Variants in MKLN1 observed in about 807,000 individuals in gnomAD.
MKLN1 encodes muskelin.
In MKLN1, 18 loss-of-function variants were observed where a neutral mutation model predicts 99.0. The observed-to-expected ratio is 0.18, with a 90% CI of 0.13 to 0.27. The LOEUF is 0.27. Ranked by LOEUF, MKLN1 falls within the 10% of genes least tolerant of loss-of-function variation. MKLN1 has a pLI of 1.00. For missense variants in MKLN1, 621 were observed against 875.9 expected, an observed-to-expected ratio of 0.71 and a Z score of 3.67; for synonymous variants, 288 against 293.2, an observed-to-expected ratio of 0.98 and a Z score of 0.18.
upstream of MKLN1, chr7:131,327,820 C>T: frequency 6.5e-7 from 1 of 1,539,836 alleles, no homozygotes; most frequent in Non-Finnish European, 8.7e-7. Flanking sequence ...GGCGGCGGCC[C>T]CTTTAAGAGC....
intron 2 of MKLN1, among the ~76,000 whole-genome samples, chr7:131,167,286 C>T (rs369695517): frequency 6.6e-6 from 1 of 152,236 alleles, no homozygotes; most frequent in African/African-American, 2.4e-5. Context: ...AGCAATTTGG[C>T]AGTAAGTATA....
intron 7 of MKLN1, among the ~76,000 whole-genome samples, chr7:131,411,903 T>G (rs1794887170): frequency 3.2e-5 from 1 of 31,178 alleles, no homozygotes; most frequent in African/African-American, 1.4e-4. Context: ...GGAGATTCCA[T>G]CTCAAAAAAA....
intron 3 of MKLN1, among the ~76,000 whole-genome samples, chr7:131,250,437 G>A (rs1797560660): frequency 6.6e-6 from 1 of 152,148 alleles, no homozygotes; most frequent in Non-Finnish European, 1.5e-5. Context: ...CACATGGCCT[G>A]GCTTGTTAAG....
chr7:131,216,945 C>T (rs1563255542), intron 3 of MKLN1, among the ~76,000 whole-genome samples: 1 of 148,962 alleles, frequency 6.7e-6, no homozygotes, highest in Admixed American at 6.6e-5. Flanking sequence ...ACTGAGGAGA[C>T]CCCCTATTGA....
chr7:131,291,755 G>T (rs1242331469), intron 3 of MKLN1, among the ~76,000 whole-genome samples: 1 of 134,024 alleles, frequency 7.5e-6, no homozygotes, highest in Non-Finnish European at 1.5e-5. Context: ...GAGTTAGTTG[G>T]AGTAGTCACA....
intron 3 of MKLN1, among the ~76,000 whole-genome samples, chr7:131,255,065 A>AT (rs925301726): frequency 4.0e-5 from 6 of 151,702 alleles, no homozygotes; most frequent in East Asian, 1.9e-4. Context: ...GTTTAAAAAA[A>AT]TTTTTTTTTG....
At chr7:131,449,421 C>T (rs1191752316) in intron 12 of MKLN1, among the ~76,000 whole-genome samples, 1 of 152,130 alleles carries the variant, frequency 6.6e-6, no homozygotes, top group Non-Finnish European at 1.5e-5. Flanking sequence ...AATACCACTT[C>T]TTTGTCTAGG....
intron 2 of MKLN1, among the ~76,000 whole-genome samples, chr7:131,169,227 CACTA>C (rs1364684030): frequency 6.6e-6 from 1 of 152,210 alleles, no homozygotes; most frequent in Non-Finnish European, 1.5e-5. Context: ...TTAGCCAATA[CACTA>C]ACAAACACAC....
chr7:131,362,587 T>C (rs1199903093), intron 1 of MKLN1, among the ~76,000 whole-genome samples: 1 of 152,102 alleles, frequency 6.6e-6, no homozygotes, highest in East Asian at 1.9e-4. Context: ...GTTTGATGTA[T>C]CTGTCTAGTT....
chr7:131,249,608 A>C (rs1418970088), intron 3 of MKLN1, among the ~76,000 whole-genome samples: 1 of 152,192 alleles, frequency 6.6e-6, no homozygotes, highest in Non-Finnish European at 1.5e-5. Context: ...AGGAAGCATT[A>C]GGAGAATTCA....
intron 2 of MKLN1, among the ~76,000 whole-genome samples, chr7:131,193,681 T>A (rs1309989348): frequency 6.6e-6 from 1 of 152,038 alleles, no homozygotes; most frequent in Non-Finnish European, 1.5e-5. Flanking sequence ...TGCGCTCAGC[T>A]AAAAATTATT....
chr7:131,372,879 T>TTTTTCTTTC, intron 1 of MKLN1, among the ~76,000 whole-genome samples: 1 of 152,066 alleles, frequency 6.6e-6, no homozygotes, highest in East Asian at 1.9e-4. Context: ...TTTCTTTTTC[T>TTTTTCTTTC]TTTTCTTTCT....
intron 3 of MKLN1, among the ~76,000 whole-genome samples, chr7:131,261,833 T>C (rs968976188): frequency 4.6e-5 from 7 of 152,224 alleles, no homozygotes; most frequent in African/African-American, 1.7e-4. Flanking sequence ...CAAAAGATCA[T>C]GTCCTTTGCA....
intron 8 of MKLN1, among the ~76,000 whole-genome samples, chr7:131,415,964 A>C (rs187543588): frequency 6.6e-6 from 1 of 151,830 alleles, no homozygotes; most frequent in Admixed American, 6.6e-5. Context: ...CCCCTGCCCA[A>C]CCTTTTTTTA....
At chr7:131,425,002 C>T (rs1410449155) in intron 8 of MKLN1, among the ~76,000 whole-genome samples, 2 of 152,190 alleles carry the variant, frequency 1.3e-5, no homozygotes, top group Non-Finnish European at 2.9e-5. Context: ...CCTATGTGTT[C>T]TTTTAAATCA....
intron 2 of MKLN1, among the ~76,000 whole-genome samples, chr7:131,182,056 C>G (rs563063390): frequency 1.5e-4 from 23 of 152,222 alleles, no homozygotes; most frequent in African/African-American, 5.3e-4. Flanking sequence ...ATTGCTGGAA[C>G]CCGGGACGGG....
At chr7:131,477,844 TTGTC>T (rs1009793723) in intron 16 of MKLN1, among the ~76,000 whole-genome samples, 1 of 152,238 alleles carries the variant, frequency 6.6e-6, no homozygotes, top group Non-Finnish European at 1.5e-5. Flanking sequence ...ATTGAGGAGT[TTGTC>T]TGCTCTAATT....
chr7:131,192,086 T>C (rs1404161268), intron 2 of MKLN1, among the ~76,000 whole-genome samples: 1 of 81,340 alleles, frequency 1.2e-5, no homozygotes, highest in African/African-American at 4.8e-5. Context: ...TACATATATA[T>C]TATATATATA....
At chr7:131,169,372 C>A (rs1050981615) in intron 2 of MKLN1, among the ~76,000 whole-genome samples, 1 of 152,178 alleles carries the variant, frequency 6.6e-6, no homozygotes, top group Non-Finnish European at 1.5e-5. Flanking sequence ...TCTGAGTTAA[C>A]CAGCTCATTG....
Sources: gnomAD v4.1 joint callset for allele counts (sites outside exome capture counted in the v4.1 genomes callset) on GRCh38, gnomAD v4.1.1 for gene constraint, MANE v1.5 for transcripts, NCBI Gene and HGNC (gene_info 2026-07-23, HGNC 2026-07-21) for gene names.